The following RAPGEF6 variants were observed in gnomAD, a reference collection of about 807,000 sequenced individuals.
The protein encoded by RAPGEF6 is PDZ domain containing guanine nucleotide exchange factor (GEF) 2.
Under a neutral mutation model 171.4 loss-of-function variants are expected in RAPGEF6, and 56 were observed. That is an observed-to-expected ratio of 0.33 (90% CI 0.26 to 0.41). The LOEUF is 0.41. Among genes scored for constraint, RAPGEF6 ranks in the 10% least tolerant of loss-of-function variants. RAPGEF6 has a pLI of 1.00. For missense variants in RAPGEF6, 1,674 were observed against 1,921.4 expected, an observed-to-expected ratio of 0.87 and a Z score of 2.41; for synonymous variants, 692 against 650.1, an observed-to-expected ratio of 1.06 and a Z score of -0.98.
intron 4 of RAPGEF6, among the ~76,000 whole-genome samples, chr5:131,585,287 ACTAT>A (rs1561583685): frequency 0.033 from 4,025 of 122,762 alleles, 91 homozygotes; most frequent in African/African-American, 0.064. Flanking sequence ...AAAAAAAAAA[ACTAT>A]ACATACATAC....
rs772432636 is a variant in RAPGEF6 at position 131,479,549 on chromosome 5, T to G, written c.2045A>C (p.Lys682Thr). 1 of 1,614,040 alleles carries G rather than the reference T, an allele frequency of 6.2e-7. No individual in the cohort carries two copies. The highest frequency in any genetic ancestry group is 1.1e-5 in the South Asian group (1 of 91,084). Residue 682 changes from lysine to threonine, a missense_variant, in exon 16 of 28, where the codon AAA (lysine) becomes ACA (threonine). Lys to Thr is a moderately conservative substitution (Grantham distance 78). Transcript: ENST00000509018. ...GRNKIRKILD[K>T]TRFSILPPKL... ...TGGAGGCAAGATACTAAATCGTGTT[T>G]TATCCAAAATCTTCCTGATTTTGTT...
At chr5:131,517,182 G>T (rs937954703) in intron 7 of RAPGEF6, among the ~76,000 whole-genome samples, 2 of 152,166 alleles carry the variant, frequency 1.3e-5, no homozygotes, top group African/African-American at 4.8e-5. Context: ...CTATCTGGGT[G>T]ATGGGATCAT....
chr5:131,557,826 A>T (rs1366242625), intron 5 of RAPGEF6, among the ~76,000 whole-genome samples: 2 of 152,148 alleles, frequency 1.3e-5, no homozygotes, highest in Admixed American at 6.5e-5. Context: ...TCAAATGCTA[A>T]ATCAATTTGT....
chr5:131,581,820 C>T (rs1388468274), intron 4 of RAPGEF6, among the ~76,000 whole-genome samples: 2 of 152,124 alleles, frequency 1.3e-5, no homozygotes, highest in Non-Finnish European at 2.9e-5. Flanking sequence ...ACTTTGTTAA[C>T]ATTCCTCCCT....
chr5:131,570,285 A>C (rs1762200465), intron 4 of RAPGEF6, among the ~76,000 whole-genome samples: 1 of 152,166 alleles, frequency 6.6e-6, no homozygotes, highest in Non-Finnish European at 1.5e-5. Flanking sequence ...AATTAACATC[A>C]CAGTAAGACA....
chr5:131,449,720 G>A (rs1752938400), intron 21 of RAPGEF6, among the ~76,000 whole-genome samples: 1 of 152,090 alleles, frequency 6.6e-6, no homozygotes, highest in South Asian at 2.1e-4. Context: ...AGAGTGCTTA[G>A]AACAATGTAT....
chr5:131,484,088 T>A (rs1471747816), intron 15 of RAPGEF6, among the ~76,000 whole-genome samples: 2 of 111,498 alleles, frequency 1.8e-5, no homozygotes, highest in African/African-American at 3.6e-5. Context: ...AGAGCGAGAC[T>A]CCATCTCAAA....
chr5:131,517,237 A>C (rs1193629088), intron 7 of RAPGEF6, among the ~76,000 whole-genome samples: 3 of 152,156 alleles, frequency 2.0e-5, no homozygotes, highest in Non-Finnish European at 4.4e-5. Flanking sequence ...TATGTAAGAA[A>C]TCTGCACATG....
chr5:131,535,851 A>G lies in RAPGEF6; in HGVS notation c.495+12196T>C, dbSNP rs561839783. 8.1e-4 allele frequency among the ~76,000 whole-genome samples: 123 copies of G among 152,294 alleles called. 1 individual carries two copies. The highest frequency in any genetic ancestry group is 2.5e-3 in the African/African-American group (104 of 41,584). ...CTGTAAACACATCTTTTATGTTAAT[A>G]TGTGACAACACTGAAAAGAAGGACA... On this transcript the variant is annotated intron_variant, in intron 6 of 27. Transcript: ENST00000509018.
rs145391524 is a variant in RAPGEF6 at position 131,601,739 on chromosome 5, A to T, written c.197+1532T>A. The stretch of plus-strand genomic sequence containing the variant: ...ACTATACACAGCTAATGGTTATTAA[A>T]ATTGGCACAATTGGCCGGGCGCAGT... On this transcript the variant is annotated intron_variant, in intron 3 of 27. Transcript: ENST00000509018. 1.0e-3 allele frequency among the ~76,000 whole-genome samples: 156 copies of T among 152,286 alleles called. 1 individual carries two copies. Among genetic ancestry groups the T allele is most frequent in the Non-Finnish European group, 4.0e-4 (27 of 68,022 alleles).
chr5:131,634,973 G>T lies in RAPGEF6; in HGVS notation c.58C>A (p.Arg20=), dbSNP rs1766548472. The change falls in exon 1 of 28, where the codon CGG becomes AGG. Residue 20 remains arginine (R), a synonymous_variant. Transcript: ENST00000509018. ...TCAACCAGCCTCACCTCGGGAGTCC[G>T]CTCGGGTGGCTTCTTCCTCAACGCC... is the stretch of plus-strand genomic sequence containing the variant. ...RQALRKKPPE[R]TPEDLNTIYS... is the part of the protein sequence containing the mutation. The T allele has an allele frequency of 6.2e-7, 1 of 1,613,892 alleles. No homozygotes were observed. Among genetic ancestry groups the T allele is most frequent in the South Asian group, 1.1e-5 (1 of 91,092 alleles).
At chr5:131,522,891 A>G (rs1198375143) in intron 6 of RAPGEF6, among the ~76,000 whole-genome samples, 1 of 152,224 alleles carries the variant, frequency 6.6e-6, no homozygotes, top group Non-Finnish European at 1.5e-5. Flanking sequence ...AACTGATGCT[A>G]ATTTTAGAAT....
At chr5:131,511,992 A>G (rs1757763489) in intron 7 of RAPGEF6, among the ~76,000 whole-genome samples, 1 of 152,196 alleles carries the variant, frequency 6.6e-6, no homozygotes, top group Non-Finnish European at 1.5e-5. Flanking sequence ...ATATGAGAGT[A>G]GGCAGCCTAT....
intron 27 of RAPGEF6, among the ~76,000 whole-genome samples, chr5:131,428,367 T>C (rs998067847): frequency 1.3e-5 from 2 of 152,098 alleles, no homozygotes; most frequent in Admixed American, 1.3e-4. Flanking sequence ...GAGTCATTAT[T>C]GTGCCACTGC....
intron 6 of RAPGEF6, among the ~76,000 whole-genome samples, chr5:131,527,849 A>G: frequency 6.6e-6 from 1 of 151,324 alleles, no homozygotes; most frequent in Admixed American, 6.6e-5. Context: ...CCCTGTCTCT[A>G]CTAAAAATAC....
intron 6 of RAPGEF6, among the ~76,000 whole-genome samples, chr5:131,543,085 G>A (rs568732794): frequency 6.6e-6 from 1 of 152,172 alleles, no homozygotes; most frequent in African/African-American, 2.4e-5. Flanking sequence ...GACTATGAAG[G>A]TACTTATATG....
At chr5:131,597,644 A>T (rs1024655426) in intron 3 of RAPGEF6, among the ~76,000 whole-genome samples, 3 of 152,182 alleles carry the variant, frequency 2.0e-5, no homozygotes, top group Non-Finnish European at 4.4e-5. Flanking sequence ...GTGGAATCTA[A>T]AAAATAAAAA....
chr5:131,445,046 C>T (rs1040373993), intron 22 of RAPGEF6, among the ~76,000 whole-genome samples: 3 of 152,118 alleles, frequency 2.0e-5, no homozygotes, highest in African/African-American at 4.8e-5. Context: ...TACAAAGAAT[C>T]ACAGAAATAA....
chr5:131,490,593 G>A (rs2149872126), intron 14 of RAPGEF6, among the ~76,000 whole-genome samples: 1 of 152,218 alleles, frequency 6.6e-6, no homozygotes, highest in East Asian at 1.9e-4. Flanking sequence ...CAAAGAGTTT[G>A]GACTTCTCTT....
Sources: gnomAD v4.1 joint callset for allele counts (sites outside exome capture counted in the v4.1 genomes callset) on GRCh38, gnomAD v4.1.1 for gene constraint, MANE v1.5 for transcripts, NCBI Gene and HGNC (gene_info 2026-07-23, HGNC 2026-07-21) for gene names.